Variants in KIZ observed in about 807,000 individuals in gnomAD.
KIZ encodes the protein kizuna centrosomal protein.
In KIZ, 68 loss-of-function variants were observed where a neutral mutation model predicts 79.6. The ratio of observed to expected loss-of-function variants is 0.85; its 90% CI spans 0.70 to 1.05. KIZ has a LOEUF of 1.05. KIZ is among the 50% of genes least tolerant of loss of function. The pLI, the probability that KIZ is intolerant of heterozygous loss-of-function variation, is 0.00. For synonymous variants in KIZ, 280 were observed against 281.8 expected (o/e 0.99, Z 0.06); for missense variants, 797 against 800.4 (o/e 1.00, Z 0.05).
At chr20:21,149,440 G>T (rs573205705) in intron 4 of KIZ, among the ~76,000 whole-genome samples, 1 of 152,188 alleles carries the variant, frequency 6.6e-6, no homozygotes, top group Non-Finnish European at 1.5e-5. Flanking sequence ...CGTCCGTTTC[G>T]GTTGGCTTTG....
In KIZ at chr20:21,172,997, C is replaced by T. The variant is rs977928428; in HGVS notation, c.1352+9838C>T. ...GCAAAGTGGCTGGTGCACCTGAATC[C>T]GAACAGGTGTTGGGGAGACGGGAGA... On this transcript the variant is annotated intron_variant, in intron 6 of 12. Coordinates refer to ENST00000619189, the MANE Select transcript of KIZ (RefSeq NM_018474.6). 1.2e-4 allele frequency among the ~76,000 whole-genome samples: 18 copies of T among 152,212 alleles called. No individual in the cohort carries two copies. The Middle Eastern group carries it at 0.01, about 86-fold the overall frequency.
At position 21,179,354 on chromosome 20, in the gene KIZ, G is replaced by A. The variant is rs770923155; in HGVS notation, c.1352+16195G>A. The stretch of plus-strand genomic sequence containing the variant: ...TTATTTATTTCTTCCAGGTTATCCA[G>A]TTTGTTGGTTTGTAATAGTTTATAT... On this transcript the variant is annotated intron_variant, in intron 6 of 12. Transcript: ENST00000619189. Among the ~76,000 whole-genome samples, 5 of 151,360 alleles carry A rather than the reference G, an allele frequency of 3.3e-5. No homozygotes were observed. The South Asian group carries it at 8.3e-4, about 25-fold the overall frequency.
intron 2 of KIZ, among the ~76,000 whole-genome samples, chr20:21,134,131 A>G (rs993498941): frequency 1.3e-5 from 2 of 152,160 alleles, no homozygotes; most frequent in Non-Finnish European, 2.9e-5. Flanking sequence ...GATGGTAGAA[A>G]AAAGGTCGGG....
chr20:21,231,713 G>T (rs972164689), intron 10 of KIZ, among the ~76,000 whole-genome samples: 1 of 152,134 alleles, frequency 6.6e-6, no homozygotes, highest in African/African-American at 2.4e-5. Context: ...GGGCTGGGAG[G>T]GTGTAGGGCA....
At chr20:21,157,593 TG>T (rs2033444888) in intron 4 of KIZ, among the ~76,000 whole-genome samples, 1 of 152,250 alleles carries the variant, frequency 6.6e-6, no homozygotes, top group Non-Finnish European at 1.5e-5. Context: ...CTACTTTTCC[TG>T]ACTATGCAGA....
chr20:21,206,017 T>C (rs1466862136), intron 7 of KIZ, among the ~76,000 whole-genome samples: 1 of 152,000 alleles, frequency 6.6e-6, no homozygotes, highest in Non-Finnish European at 1.5e-5. Context: ...TTGAAAAAAA[T>C]AACGATAAGA....
chr20:21,154,514 CTG>C (rs1453060958), intron 4 of KIZ, among the ~76,000 whole-genome samples: 5 of 152,180 alleles, frequency 3.3e-5, no homozygotes, highest in African/African-American at 9.6e-5. Context: ...AGATGAATAA[CTG>C]TGACAAGAAG....
chr20:21,174,230 C>A (rs1282188790), intron 6 of KIZ, among the ~76,000 whole-genome samples: 2 of 152,362 alleles, frequency 1.3e-5, no homozygotes, highest in East Asian at 1.9e-4. Flanking sequence ...AGTACTGACT[C>A]CGTGCCAGGC....
chr20:21,142,668 T>C (rs2032623147), intron 3 of KIZ, among the ~76,000 whole-genome samples: 1 of 152,016 alleles, frequency 6.6e-6, no homozygotes, highest in Admixed American at 6.6e-5. Flanking sequence ...TGGCATGTGC[T>C]CTAGTCCCAG....
At chr20:21,126,324 A>T in intron 1 of KIZ, 120 bp downstream of exon 1, 1 of 620,810 alleles carries the variant, frequency 1.6e-6, no homozygotes, top group South Asian at 2.6e-5. Flanking sequence ...CCCGCGCGCA[A>T]CGCCCCCCAG....
intron 10 of KIZ, among the ~76,000 whole-genome samples, chr20:21,230,854 G>T (rs2036811958): frequency 6.6e-6 from 1 of 152,188 alleles, no homozygotes; most frequent in African/African-American, 2.4e-5. Flanking sequence ...CATGGAATTT[G>T]AATCCAGAGG....
intron 6 of KIZ, among the ~76,000 whole-genome samples, chr20:21,181,042 A>T (rs959931075): frequency 6.6e-6 from 1 of 152,236 alleles, no homozygotes; most frequent in Non-Finnish European, 1.5e-5. Flanking sequence ...CGGAATAACC[A>T]TGATGACTGG....
At chr20:21,143,360 T>C (rs1203661559) in intron 3 of KIZ, among the ~76,000 whole-genome samples, 1 of 152,166 alleles carries the variant, frequency 6.6e-6, no homozygotes, top group Non-Finnish European at 1.5e-5. Flanking sequence ...AAGATAGTGG[T>C]GGCACTTTCA....
intron 11 of KIZ, chr20:21,233,056 A>G (rs914685144): frequency 2.2e-5 from 12 of 538,388 alleles, no homozygotes; most frequent in Middle Eastern, 5.1e-4. Context: ...TTAAGACTCA[A>G]TTGACACCTC....
At chr20:21,230,300 C>A (rs2036792887) in intron 10 of KIZ, among the ~76,000 whole-genome samples, 1 of 152,142 alleles carries the variant, frequency 6.6e-6, no homozygotes. Flanking sequence ...TATAGCAAGA[C>A]ACTGTTTTTA....
intron 6 of KIZ, among the ~76,000 whole-genome samples, chr20:21,184,654 G>A (rs1455057673): frequency 6.6e-6 from 1 of 152,200 alleles, no homozygotes; most frequent in Non-Finnish European, 1.5e-5. Context: ...ATAACTGAGT[G>A]GGAAAGCTTC....
At chr20:21,231,853 A>C (rs1434859870) in intron 10 of KIZ, among the ~76,000 whole-genome samples, 1 of 152,178 alleles carries the variant, frequency 6.6e-6, no homozygotes, top group African/African-American at 2.4e-5. Context: ...TTTGGACCTG[A>C]AGGAAAGCCA....
chr20:21,200,339 G>T (rs1356114632), intron 6 of KIZ, among the ~76,000 whole-genome samples: 1 of 152,136 alleles, frequency 6.6e-6, no homozygotes, highest in African/African-American at 2.4e-5. Flanking sequence ...AGCGGGTTTA[G>T]GGAGGTGTGG....
At chr20:21,148,767 T>C (rs986253142) in intron 4 of KIZ, 1 of 152,164 alleles carries the variant, frequency 6.6e-6, no homozygotes, top group African/African-American at 2.4e-5. Flanking sequence ...CTTTGAACTA[T>C]TATGCTGTGA....
Sources: gnomAD v4.1 joint callset for allele counts (sites outside exome capture counted in the v4.1 genomes callset) on GRCh38, gnomAD v4.1.1 for gene constraint, MANE v1.5 for transcripts, NCBI Gene and HGNC (gene_info 2026-07-23, HGNC 2026-07-21) for gene names.